UGT1A9: variants seen among roughly 807,000 people sequenced by gnomAD.
UGT1A9 encodes UDP-glucuronosyltransferase 1A9.
Under a neutral mutation model 45.0 loss-of-function variants are expected in UGT1A9, and 35 were observed. The observed-to-expected ratio is 0.78, with a 90% CI of 0.59 to 1.03. The LOEUF (loss-of-function observed/expected upper bound fraction) is 1.03. Among genes scored for constraint, UGT1A9 ranks in the 50% least tolerant of loss-of-function variants. The probability of loss-of-function intolerance (pLI) is 0.00; values close to 1 mark genes in which losing one functional copy is unlikely to be tolerated. For synonymous variants in UGT1A9, 278 were observed against 250.6 expected, an observed-to-expected ratio of 1.11 and a Z score of -1.03; for missense variants, 687 against 666.6, an observed-to-expected ratio of 1.03 and a Z score of -0.34.
chr2:233,719,799 G>C, intron 1 of UGT1A9: 11 of 1,603,246 alleles, frequency 6.9e-6, no homozygotes, highest in Non-Finnish European at 8.5e-6. Context: ...ATTTTATTTT[G>C]GCTTCTTTAT....
intron 1 of UGT1A9, chr2:233,682,195 G>A (rs780825518): frequency 8.7e-6 from 14 of 1,614,214 alleles, no homozygotes; most frequent in Non-Finnish European, 1.2e-5. Context: ...TGGAGGATCA[G>A]GACCGGGAGT....
At chr2:233,705,566 A>C (rs968273952) in intron 1 of UGT1A9, among the ~76,000 whole-genome samples, 1 of 152,172 alleles carries the variant, frequency 6.6e-6, no homozygotes, top group Non-Finnish European at 1.5e-5. Context: ...GCTTGTGGCA[A>C]GGGATAGAAA....
At position 233,690,892 on chromosome 2, in the gene UGT1A9, G is replaced by A. The variant is rs1171545232; in HGVS notation, c.855+18103G>A. 3 of 1,044,122 alleles carry A rather than the reference G, an allele frequency of 2.9e-6. No homozygotes were observed. In the African/African-American group the frequency reaches 5.1e-5, roughly 18 times the overall value. 64.7% of individuals were successfully genotyped at this position (1,044,122 alleles called of 1,614,324 possible). A position where few individuals can be genotyped will look rare whatever the true frequency, so the allele number is the denominator to read the frequency against. ...AGAAGGTGTTAGGAATTCAAGGGAT[G>A]GTATGCATAGTGATGTTAGTTTCAT... is the stretch of plus-strand genomic sequence containing the variant. On this transcript the variant is annotated intron_variant, in intron 1 of 4. Coordinates refer to ENST00000354728, the MANE Select transcript of UGT1A9 (RefSeq NM_021027.3).
chr2:233,752,825 T>C (rs1254190294), intron 1 of UGT1A9, among the ~76,000 whole-genome samples: 1 of 152,218 alleles, frequency 6.6e-6, no homozygotes, highest in African/African-American at 2.4e-5. Context: ...ATTTATGACA[T>C]CAGTAATCTA....
chr2:233,742,026 T>C (rs1691848344), intron 1 of UGT1A9: 1 of 151,940 alleles, frequency 6.6e-6, no homozygotes, highest in South Asian at 2.1e-4. Flanking sequence ...CCTAATTTGA[T>C]ATGTCCCAAG....
chr2:233,679,687 A>G (rs1462740728), intron 1 of UGT1A9, among the ~76,000 whole-genome samples: 2 of 152,068 alleles, frequency 1.3e-5, no homozygotes, highest in African/African-American at 4.8e-5. Flanking sequence ...TTTGCTTGGC[A>G]GAGGCTGGTT....
At position 233,747,166 on chromosome 2, in the gene UGT1A9, G is replaced by C. The variant is rs1272270999; in HGVS notation, c.856-19868G>C. The C allele has an allele frequency of 9.4e-6, 15 of 1,592,462 alleles. No individual in the cohort carries two copies. In the East Asian group the frequency reaches 2.9e-4, roughly 31 times the overall value. On this transcript the variant is annotated intron_variant, in intron 1 of 4. Coordinates refer to ENST00000354728, the MANE Select transcript of UGT1A9 (RefSeq NM_021027.3). ...ATTAAGATGAAGAAAACAAATGTAG[G>C]AGGCACAGCGTGGGGTGGACAGTCA...
intron 1 of UGT1A9, among the ~76,000 whole-genome samples, chr2:233,704,462 A>G (rs989153575): frequency 1.3e-5 from 2 of 151,938 alleles, no homozygotes; most frequent in African/African-American, 4.8e-5. Flanking sequence ...ATATAGCTCT[A>G]TTTCCTTTCT....
At chr2:233,683,169 C>T (rs749915712) in intron 1 of UGT1A9, among the ~76,000 whole-genome samples, 7 of 151,982 alleles carry the variant, frequency 4.6e-5, no homozygotes, top group South Asian at 2.1e-4. Context: ...TGAAATTATA[C>T]TATGTATATG....
chr2:233,678,363 C>T (rs529692240), intron 1 of UGT1A9, among the ~76,000 whole-genome samples: 3 of 152,166 alleles, frequency 2.0e-5, no homozygotes, highest in Non-Finnish European at 4.4e-5. Flanking sequence ...CCATCCTCAT[C>T]ATCTTCCATT....
intron 1 of UGT1A9, among the ~76,000 whole-genome samples, chr2:233,732,493 G>T (rs141356640): frequency 1.3e-5 from 2 of 152,178 alleles, no homozygotes; most frequent in Admixed American, 6.5e-5. Flanking sequence ...TGTATAAGGC[G>T]TAAGGAAGGG....
chr2:233,717,440 C>G (rs1261238198), intron 1 of UGT1A9, among the ~76,000 whole-genome samples: 3 of 152,238 alleles, frequency 2.0e-5, no homozygotes, highest in Non-Finnish European at 4.4e-5. Context: ...CTGATGGACG[C>G]ATCCATTCAC....
At chr2:233,705,126 G>T (rs2075824823) in intron 1 of UGT1A9, among the ~76,000 whole-genome samples, 1 of 119,384 alleles carries the variant, frequency 8.4e-6, no homozygotes, top group South Asian at 3.0e-4. Context: ...ACAAGAGCGA[G>T]ACTTCGTCTG....
Position 233,767,108 on chromosome 2 carries a change from A to T in UGT1A9, c.930A>T (p.Glu310Asp). ...TCTCTTTGGGATCAATGGTCTCAGA[A>T]ATTCCAGAGAAGAAAGCTATGGCAA... The part of the protein sequence containing the change: ...VVFSLGSMVS[E>D]IPEKKAMAIA... The change falls in exon 2 of 5, where the codon GAA (glutamate) becomes GAT (aspartate). Residue 310 changes from glutamate (E) to aspartate (D), a missense_variant. Glu to Asp is a conservative substitution (Grantham distance 45). Coordinates refer to ENST00000354728, the MANE Select transcript of UGT1A9 (RefSeq NM_021027.3). 1 of 1,614,166 alleles carries T rather than the reference A, an allele frequency of 6.2e-7. No individual in the cohort carries two copies.
At chr2:233,735,447 G>A (rs1470432521) in intron 1 of UGT1A9, among the ~76,000 whole-genome samples, 4 of 152,136 alleles carry the variant, frequency 2.6e-5, no homozygotes, top group Non-Finnish European at 5.9e-5. Flanking sequence ...ATACCGATGG[G>A]CCTTGACTCT....
At chr2:233,695,664 CAT>C (rs1168310101) in intron 1 of UGT1A9, among the ~76,000 whole-genome samples, 1 of 151,980 alleles carries the variant, frequency 6.6e-6, no homozygotes, top group Non-Finnish European at 1.5e-5. Context: ...TAAATGAGAA[CAT>C]GTGGTATTTG....
In UGT1A9 at chr2:233,760,900, AC is replaced by A. The variant is rs1697605792; in HGVS notation, c.856-6132del. 3.1e-6 allele frequency: 5 copies of A among 1,613,652 alleles called. No individual in the cohort carries two copies. The highest frequency in any genetic ancestry group is 3.3e-5 in the Admixed American group (2 of 59,970). On this transcript the variant is annotated intron_variant, in intron 1 of 4. Coordinates refer to ENST00000354728, the MANE Select transcript of UGT1A9 (RefSeq NM_021027.3). The stretch of plus-strand genomic sequence containing the variant: ...TCTCTCCTCTCATTCAGATCACATG[AC>A]CTTCCTGCAGCGGGTGAAGAACATG...
rs6744979 is a variant in UGT1A9 at position 233,689,470 on chromosome 2, G to T, written c.855+16681G>T. ...AAGGATACATTTTAGGAAAACAGAA[G>T]TTACAAGAAGAAATCGCAAATCAAT... is the stretch of plus-strand genomic sequence containing the variant. On this transcript the variant is annotated intron_variant, in intron 1 of 4. Coordinates refer to ENST00000354728, the MANE Select transcript of UGT1A9 (RefSeq NM_021027.3). 1.6e-3 allele frequency among the ~76,000 whole-genome samples: 247 copies of T among 152,324 alleles called. 1 individual carries two copies. Among genetic ancestry groups the T allele is most frequent in the African/African-American group, 5.9e-3 (245 of 41,582 alleles).
At chr2:233,768,734 C>T (rs1487456172) in intron 4 of UGT1A9, among the ~76,000 whole-genome samples, 1 of 151,720 alleles carries the variant, frequency 6.6e-6, no homozygotes, top group Non-Finnish European at 1.5e-5. Context: ...AGGTGTCCAC[C>T]ACCACGCCCG....
Sources: gnomAD v4.1 joint callset for allele counts (sites outside exome capture counted in the v4.1 genomes callset) on GRCh38, gnomAD v4.1.1 for gene constraint, MANE v1.5 for transcripts, NCBI Gene and HGNC (gene_info 2026-07-23, HGNC 2026-07-21) for gene names.